Variants in TLR6 observed in about 807,000 individuals in gnomAD.
The protein encoded by TLR6 is toll-like receptor 6.
In TLR6, 9 loss-of-function variants were observed where a neutral mutation model predicts 16.1. The observed-to-expected ratio is 0.56, with a 90% CI of 0.34 to 0.98. The LOEUF is 0.98. Among genes scored for constraint, TLR6 ranks in the 50% least tolerant of loss-of-function variants. The pLI is 0.02. For missense variants in TLR6, 786 were observed against 921.0 expected (o/e 0.85, Z 1.90); for synonymous variants, 340 against 338.6 (o/e 1.00, Z -0.04).
At chr4:38,850,040 T>C (rs542324917) in intron 1 of TLR6, among the ~76,000 whole-genome samples, 28 of 152,248 alleles carry the variant, frequency 1.8e-4, no homozygotes, top group African/African-American at 5.5e-4. Context: ...TCTCAGACCA[T>C]GGTGCAATCA....
downstream of TLR6, among the ~76,000 whole-genome samples, chr4:38,823,170 G>C (rs1347250561): frequency 2.0e-5 from 3 of 152,158 alleles, no homozygotes; most frequent in African/African-American, 7.2e-5. Context: ...GATGAGATTT[G>C]GGTGGGGACA....
intron 1 of TLR6, among the ~76,000 whole-genome samples, chr4:38,854,291 G>A (rs555875165): frequency 6.6e-6 from 1 of 152,282 alleles, no homozygotes; most frequent in African/African-American, 2.4e-5. Context: ...AGTAACAGAA[G>A]GAGGGGCAGA....
At chr4:38,866,158 T>TA in the TLR6 span, among the ~76,000 whole-genome samples, 11 of 151,320 alleles carry the variant, frequency 7.3e-5, no homozygotes, top group African/African-American at 2.7e-4. Context: ...TTCAGTAGCT[T>TA]AAAAAATTAT....
At chr4:38,840,633 CAAA>C (rs377719537) in intron 1 of TLR6, among the ~76,000 whole-genome samples, 11 of 107,200 alleles carry the variant, frequency 1.0e-4, no homozygotes, top group Admixed American at 2.8e-4. Context: ...GACTCCCTCT[CAAA>C]AAAAAAAAAA....
the TLR6 span, among the ~76,000 whole-genome samples, chr4:38,865,515 G>C: frequency 6.6e-6 from 1 of 152,130 alleles, no homozygotes; most frequent in Non-Finnish European, 1.5e-5. Flanking sequence ...GGGCTGTTAC[G>C]GCACAGCAGG....
chr4:38,840,895 C>T (rs971574445), intron 1 of TLR6, among the ~76,000 whole-genome samples: 5 of 152,146 alleles, frequency 3.3e-5, no homozygotes, highest in African/African-American at 1.2e-4. Context: ...CTGAGGAGAA[C>T]AGTGCCCTGA....
chr4:38,834,072 A>T (rs991791294), intron 1 of TLR6, among the ~76,000 whole-genome samples: 26 of 150,994 alleles, frequency 1.7e-4, no homozygotes, highest in African/African-American at 6.1e-4. Flanking sequence ...ACTAAAAAAA[A>T]AAAAAAATTA....
chr4:38,827,147 T>G (rs149636351), exon 2 of TLR6: 8 of 1,613,768 alleles, frequency 5.0e-6, no homozygotes, highest in Non-Finnish European at 6.8e-6. Context: ...GGCTCTAATG[T>G]TAGCCCAAAA....
At chr4:38,836,644 A>G (rs1029992920) in intron 1 of TLR6, among the ~76,000 whole-genome samples, 1 of 152,202 alleles carries the variant, frequency 6.6e-6, no homozygotes, top group Non-Finnish European at 1.5e-5. Flanking sequence ...TCCTGATACC[A>G]AAACCAGACA....
At chr4:38,833,001 T>C (rs1711699470) in intron 1 of TLR6, among the ~76,000 whole-genome samples, 1 of 152,074 alleles carries the variant, frequency 6.6e-6, no homozygotes, top group Admixed American at 6.5e-5. Context: ...TGCTAGTGCC[T>C]GCCTGCCACT....
At chr4:38,834,606 A>G (rs1317755561) in intron 1 of TLR6, among the ~76,000 whole-genome samples, 1 of 152,208 alleles carries the variant, frequency 6.6e-6, no homozygotes, top group South Asian at 2.1e-4. Flanking sequence ...TCAAACTCTC[A>G]AAAGTTGAAG....
chr4:38,835,758 A>G (rs1455220119), intron 1 of TLR6, among the ~76,000 whole-genome samples: 1 of 152,226 alleles, frequency 6.6e-6, no homozygotes, highest in African/African-American at 2.4e-5. Flanking sequence ...AAAAATTGAA[A>G]TCATATCAAG....
At chr4:38,852,867 T>C (rs1712824068) in intron 1 of TLR6, among the ~76,000 whole-genome samples, 2 of 152,174 alleles carry the variant, frequency 1.3e-5, no homozygotes, top group Non-Finnish European at 2.9e-5. Context: ...TTGACCCAGC[T>C]ATCCCATTAC....
chr4:38,827,452 A>G, exon 2 of TLR6: 2 of 1,614,240 alleles, frequency 1.2e-6, no homozygotes, highest in Non-Finnish European at 1.7e-6. Context: ...AGTTTCTCTC[A>G]TGAAGACAAA....
intron 1 of TLR6, among the ~76,000 whole-genome samples, chr4:38,845,012 T>C (rs886162751): frequency 6.6e-6 from 1 of 152,222 alleles, no homozygotes; most frequent in African/African-American, 2.4e-5. Context: ...TGAGCTAAGA[T>C]TGTGCCACTG....
chr4:38,845,737 A>C (rs959967378), intron 1 of TLR6, among the ~76,000 whole-genome samples: 2 of 152,232 alleles, frequency 1.3e-5, no homozygotes, highest in Non-Finnish European at 2.9e-5. Context: ...TAAGATAATA[A>C]ATGTATATTG....
chr4:38,859,739 ATT>A (rs921821886), upstream of TLR6, among the ~76,000 whole-genome samples: 1 of 150,626 alleles, frequency 6.6e-6, no homozygotes, highest in Non-Finnish European at 1.5e-5. Flanking sequence ...TAATTTTTAT[ATT>A]TTTTTGCAGA....
At chr4:38,855,072 C>T (rs1022866727) in intron 1 of TLR6, among the ~76,000 whole-genome samples, 7 of 151,810 alleles carry the variant, frequency 4.6e-5, no homozygotes, top group African/African-American at 7.3e-5. Context: ...ATTAGCCGGG[C>T]GTGGTGGCGG....
At chr4:38,832,807 C>A (rs1289132374) in intron 1 of TLR6, among the ~76,000 whole-genome samples, 1 of 152,136 alleles carries the variant, frequency 6.6e-6, no homozygotes, top group African/African-American at 2.4e-5. Context: ...AAACAGGAAG[C>A]ACAGTGCACC....
Sources: gnomAD v4.1 joint callset for allele counts (sites outside exome capture counted in the v4.1 genomes callset) on GRCh38, gnomAD v4.1.1 for gene constraint, MANE v1.5 for transcripts, NCBI Gene and HGNC (gene_info 2026-07-23, HGNC 2026-07-21) for gene names.